Variants in ADCY3 observed in about 807,000 individuals in gnomAD.
ADCY3 encodes adenylate cyclase type 3.
ADCY3 carries 70 observed loss-of-function variants against 119.4 expected under a neutral mutation model. That is an observed-to-expected ratio of 0.59 (90% CI 0.48 to 0.72). The LOEUF (loss-of-function observed/expected upper bound fraction) is 0.72, where lower values mean the gene tolerates loss of function less well. Ranked by LOEUF, ADCY3 falls within the 30% of genes least tolerant of loss-of-function variation. The pLI is 0.00. For missense variants in ADCY3, 1,238 were observed against 1,541.6 expected, an observed-to-expected ratio of 0.80 and a Z score of 3.30; for synonymous variants, 672 against 621.4, an observed-to-expected ratio of 1.08 and a Z score of -1.21.
chr2:24,908,684 T>C lies in ADCY3; in HGVS notation c.675+9629A>G, dbSNP rs370440705. Among the ~76,000 whole-genome samples, 13 of 152,172 alleles carry C rather than the reference T, an allele frequency of 8.5e-5. No homozygotes were observed. In the South Asian group the frequency reaches 1.9e-3, roughly 22 times the overall value. On this transcript the variant is annotated intron_variant, in intron 2 of 21. Coordinates refer to ENST00000679454, the MANE Select transcript of ADCY3 (RefSeq NM_004036.5). Reference sequence around the variant, plus strand: ...CGTGCCCTTGTTTGCCAGTTAGAACTGTGGGAAGCAGTCCCTCAACTGGCA... The same window carrying C: ...CGTGCCCTTGTTTGCCAGTTAGAACCGTGGGAAGCAGTCCCTCAACTGGCA...
At chr2:24,897,185 C>G (rs533803218) in intron 2 of ADCY3, among the ~76,000 whole-genome samples, 1 of 152,230 alleles carries the variant, frequency 6.6e-6, no homozygotes, top group African/African-American at 2.4e-5. Flanking sequence ...CCATCTTTCC[C>G]TAACTGCCAT....
intron 2 of ADCY3, among the ~76,000 whole-genome samples, chr2:24,900,693 G>C (rs1458518759): frequency 6.6e-6 from 1 of 152,228 alleles, no homozygotes; most frequent in African/African-American, 2.4e-5. Flanking sequence ...GAGATCCAGG[G>C]AGAGCAACAT....
chr2:24,837,847 C>T (rs1572847441), intron 8 of ADCY3, among the ~76,000 whole-genome samples: 1 of 152,106 alleles, frequency 6.6e-6, no homozygotes, highest in African/African-American at 2.4e-5. Flanking sequence ...ACAAAAAGAC[C>T]AGAGGGCAGG....
intron 2 of ADCY3, among the ~76,000 whole-genome samples, chr2:24,896,433 A>G (rs1376051004): frequency 6.6e-6 from 1 of 151,784 alleles, no homozygotes; most frequent in Admixed American, 6.6e-5. Flanking sequence ...ATTCCATCAC[A>G]TCTTTGTCAT....
At chr2:24,827,709 G>T in intron 14 of ADCY3, 101 bp from the exon 15 acceptor site, 1 of 1,426,094 alleles carries the variant, frequency 7.0e-7, no homozygotes, top group Non-Finnish European at 9.7e-7. Flanking sequence ...CGGGGAGAAT[G>T]GGAAGAATCT....
At chr2:24,838,347 G>T in intron 8 of ADCY3, 98 bp downstream of exon 8, 1 of 1,272,954 alleles carries the variant, frequency 7.9e-7, no homozygotes, top group Non-Finnish European at 1.1e-6. Flanking sequence ...GCTGGGTCCT[G>T]CCACCTCTTC....
In ADCY3 at chr2:24,834,897, G is replaced by A. The variant is rs142082596; in HGVS notation, c.1702C>T (p.Arg568Cys). ...PSFPNPRRRL[R>C]LQDLADRVVD... ...ACTCGGTCAGCCAGGTCCTGCAGGCGCAGCCTCCGGCGTGGGTTGGGGAAT... is the reference window on the plus strand; with the variant it reads ...ACTCGGTCAGCCAGGTCCTGCAGGCACAGCCTCCGGCGTGGGTTGGGGAAT... Residue 568 changes from arginine to cysteine, a missense_variant, in exon 10 of 22, where the codon CGC becomes TGC. Coordinates refer to ENST00000679454, the MANE Select transcript of ADCY3 (RefSeq NM_004036.5). This position sits in a 1 kb window ranked among gnomAD's most constrained non-coding sequence, Gnocchi z 4.2. The A allele has an allele frequency of 7.4e-6, 12 of 1,613,746 alleles. No homozygotes were observed. The highest frequency in any genetic ancestry group is 2.2e-5 in the East Asian group (1 of 44,864).
intron 2 of ADCY3, among the ~76,000 whole-genome samples, chr2:24,890,705 A>G (rs1677555021): frequency 6.6e-6 from 1 of 152,122 alleles, no homozygotes; most frequent in Non-Finnish European, 1.5e-5. Context: ...ATCTAGCTAG[A>G]GGATTATCTA....
intron 2 of ADCY3, among the ~76,000 whole-genome samples, chr2:24,912,039 G>C (rs1373531153): frequency 6.6e-6 from 1 of 152,206 alleles, no homozygotes; most frequent in Admixed American, 6.5e-5. Flanking sequence ...AACTGTAACA[G>C]AGCAAGAGCT....
intron 3 of ADCY3, among the ~76,000 whole-genome samples, chr2:24,850,281 G>C (rs1672139700): frequency 6.6e-6 from 1 of 152,124 alleles, no homozygotes; most frequent in Admixed American, 6.6e-5. Flanking sequence ...CCCCTTTCAT[G>C]AGTGCGTGAT....
At chr2:24,822,859 A>AG (rs916608835) in intron 18 of ADCY3, among the ~76,000 whole-genome samples, 4 of 152,106 alleles carry the variant, frequency 2.6e-5, no homozygotes, top group Non-Finnish European at 5.9e-5. Flanking sequence ...GCAGTCTCCT[A>AG]GGGGGGCTCC....
chr2:24,856,486 C>T (rs189587583), intron 3 of ADCY3, among the ~76,000 whole-genome samples: 28 of 152,276 alleles, frequency 1.8e-4, no homozygotes, highest in Admixed American at 3.9e-4. Flanking sequence ...TCACTGCACC[C>T]CACCAGGGCG....
chr2:24,895,226 G>C (rs1372836124), intron 2 of ADCY3, among the ~76,000 whole-genome samples: 3 of 152,088 alleles, frequency 2.0e-5, no homozygotes, highest in Non-Finnish European at 4.4e-5. Context: ...GAGTAACTGG[G>C]ACTACGGGCA....
chr2:24,821,615 C>T lies in ADCY3; in HGVS notation c.3029G>A (p.Trp1010Ter). 1 of 1,614,154 alleles carries T rather than the reference C, an allele frequency of 6.2e-7. No homozygotes were observed. Among genetic ancestry groups the T allele is most frequent in the Non-Finnish European group, 8.5e-7 (1 of 1,180,018 alleles). Residue 1010 changes from tryptophan to a stop codon, truncating the protein, a stop_gained, in exon 20 of 22, where the codon TGG becomes TAG. Transcript: ENST00000679454. LOFTEE classifies it high-confidence loss of function. ...GTCGGCCAGGTCAGCCAGGTGCTGC[C>T]AGCGCTCTCTCTCGGACTTGTCTTC... The part of the protein sequence containing the change: ...NKEDKSERER[W>*]QHLADLADFA...
In ADCY3 at chr2:24,842,976, G is replaced by A. The variant is rs1166209518; in HGVS notation, c.826-592C>T. On this transcript the variant is annotated intron_variant, in intron 3 of 21. Transcript: ENST00000679454. This position sits in a 1 kb window ranked among gnomAD's most constrained non-coding sequence, Gnocchi z 4.9. ...GGAGAGAGCAGAGGACGGCGCAAGA[G>A]AGAAGCAGGGGCCAAGGTCGGCCGG... Among the ~76,000 whole-genome samples the A allele has an allele frequency of 6.6e-6, 1 of 152,236 alleles. No individual in the cohort carries two copies. Among genetic ancestry groups the A allele is most frequent in the Non-Finnish European group, 1.5e-5 (1 of 68,036 alleles).
In ADCY3 at chr2:24,833,333, C is replaced by T. The variant is rs537756486; in HGVS notation, c.1967+1152G>A. ...ATGCGATGCCTCCTCACTGTGCCTC[C>T]AGGGGCCAGGCCACTCCAGCCTCAG... is the stretch of plus-strand genomic sequence containing the variant. On this transcript the variant is annotated intron_variant, in intron 11 of 21. Coordinates refer to ENST00000679454, the MANE Select transcript of ADCY3 (RefSeq NM_004036.5). Among the ~76,000 whole-genome samples the T allele has an allele frequency of 3.3e-5, 5 of 152,340 alleles. No individual in the cohort carries two copies. The South Asian group carries it at 1.0e-3, about 32-fold the overall frequency.
Position 24,821,547 on chromosome 2 carries a change from G to A in ADCY3, c.3097C>T (p.Gln1033Ter). 1 of 1,614,186 alleles carries A rather than the reference G, an allele frequency of 6.2e-7. No homozygotes were observed. ...MKDTLTNINN[Q>*]SFNNFMLRIG... ...CGCAGCATGAAGTTATTGAAGGACT[G>A]GTTGTTGATGTTGGTGAGCGTATCC... Residue 1033 changes from glutamine to a stop codon, truncating the protein, a stop_gained, in exon 20 of 22, where the codon CAG becomes TAG. Transcript: ENST00000679454. LOFTEE classifies it high-confidence loss of function.
Position 24,831,733 on chromosome 2 carries a change from C to G in ADCY3, c.1984G>C (p.Val662Leu). ...LIDPWLMTNY[V>L]TFMVGEILLL... is the part of the protein sequence containing the mutation. ...AGAATCTCCCCCACCATGAAGGTCA[C>G]ATAGTTTGTCATTAGCCTGTGACAG... is the stretch of plus-strand genomic sequence containing the variant. The change falls in exon 12 of 22, where the codon GTG (valine) becomes CTG (leucine). Residue 662 changes from valine to leucine, a missense_variant. Val to Leu is a conservative substitution (Grantham distance 32, BLOSUM62 1). Coordinates refer to ENST00000679454, the MANE Select transcript of ADCY3 (RefSeq NM_004036.5). The G allele has an allele frequency of 6.2e-7, 1 of 1,604,248 alleles. No individual in the cohort carries two copies. The highest frequency in any genetic ancestry group is 1.1e-5 in the South Asian group (1 of 90,914).
In ADCY3 at chr2:24,859,086, G is replaced by A. The variant is rs572530105; in HGVS notation, c.825+13484C>T. 2.1e-3 allele frequency among the ~76,000 whole-genome samples: 318 copies of A among 152,320 alleles called. 5 individuals are homozygous for A. Among genetic ancestry groups the A allele is most frequent in the African/African-American group, 7.3e-3 (302 of 41,542 alleles). On this transcript the variant is annotated intron_variant, in intron 3 of 21. Transcript: ENST00000679454. ...GCTTTTCTCACACTGAGAGGCATTC[G>A]AGGCTAAAAGAAAAACTAAAAATAT...
Sources: allele counts gnomAD v4.1 joint callset (sites outside exome capture counted in the v4.1 genomes callset), GRCh38; gene constraint gnomAD v4.1.1; non-coding constraint Gnocchi (gnomAD v3.1); transcripts MANE v1.5; gene names NCBI Gene and HGNC (gene_info 2026-07-23, HGNC 2026-07-21).